Variants in DNAJC5 observed in about 807,000 individuals in gnomAD.
DNAJC5 encodes DnaJ heat shock protein family (Hsp40) member C5, also known as dnaJ homolog subfamily C member 5.
DNAJC5 carries 1 observed loss-of-function variant against 23.2 expected under a neutral mutation model. That is an observed-to-expected ratio of 0.04 (90% CI 0.02 to 0.20). The LOEUF is 0.20. Among genes scored for constraint, DNAJC5 ranks in the 10% least tolerant of loss-of-function variants. The pLI, the probability that DNAJC5 is intolerant of heterozygous loss-of-function variation, is 1.00. For synonymous variants in DNAJC5, 136 were observed against 120.0 expected (o/e 1.13, Z -0.87); for missense variants, 180 against 267.0 (o/e 0.67, Z 2.27).
At chr20:63,913,965 G>A (rs533542447) in intron 1 of DNAJC5, among the ~76,000 whole-genome samples, 1 of 152,274 alleles carries the variant, frequency 6.6e-6, no homozygotes, top group African/African-American at 2.4e-5. Context: ...CTCTCTCTGA[G>A]CACTCCATCC....
At position 63,930,960 on chromosome 20, in the gene DNAJC5, A is replaced by G; in HGVS notation, c.431A>G (p.Glu144Gly). ...TGTAAGCCCAAGGCGCCTGAAGGCG[A>G]GGAGACGGAGTTCTACGTGTCCCCC... ...GKCKPKAPEGEETEFYVSPED... is the reference protein window; with the variant it reads ...GKCKPKAPEGGETEFYVSPED... Residue 144 changes from glutamate (E) to glycine (G), a missense_variant, in exon 4 of 5, where the codon GAG becomes GGG. Glu to Gly is a moderately conservative substitution (Grantham distance 98, BLOSUM62 -2). Around this residue, in one of 3 missense-constraint regions of DNAJC5, gnomAD observed 97 missense variants for 123.4 expected, o/e 0.79. Transcript: ENST00000360864. The G allele has an allele frequency of 6.2e-7, 1 of 1,614,160 alleles. No homozygotes were observed. Among genetic ancestry groups the G allele is most frequent in the Non-Finnish European group, 8.5e-7 (1 of 1,180,046 alleles).
At chr20:63,904,029 G>A (rs751401534) in intron 1 of DNAJC5, among the ~76,000 whole-genome samples, 6 of 152,100 alleles carry the variant, frequency 3.9e-5, no homozygotes, top group Non-Finnish European at 8.8e-5. Context: ...CCTGGGAAGC[G>A]GAGGTTGCAG....
chr20:63,911,972 C>T (rs2053485413), intron 1 of DNAJC5, among the ~76,000 whole-genome samples: 2 of 152,076 alleles, frequency 1.3e-5, no homozygotes, highest in South Asian at 4.1e-4. Flanking sequence ...ACTGCCATGG[C>T]CGGCTGGAAA....
intron 1 of DNAJC5, among the ~76,000 whole-genome samples, chr20:63,907,421 G>A (rs574219782): frequency 1.7e-4 from 26 of 152,250 alleles, no homozygotes; most frequent in African/African-American, 6.3e-4. Context: ...CTTTATTCAA[G>A]CCAGCTCCCA....
rs144269362 is a variant in DNAJC5, at chr20:63,905,178, C to T, written c.-12+9855C>T. On this transcript the variant is annotated intron_variant, in intron 1 of 4. Coordinates refer to ENST00000360864, the MANE Select transcript of DNAJC5 (RefSeq NM_025219.3). ...TCGCCCAGGCTGGAGTGCCATGGCA[C>T]GATCTCGGCTCACTGCAACCTCTGC... Among the ~76,000 whole-genome samples the T allele has an allele frequency of 5.7e-3, 850 of 148,862 alleles. 4 individuals are homozygous for T. The highest frequency in any genetic ancestry group is 0.02 in the African/African-American group (811 of 40,398).
At position 63,931,906 on chromosome 20, in the gene DNAJC5, T is replaced by G; in HGVS notation, c.*338T>G. Reference sequence around the variant, plus strand: ...AGGGCTGTCGGTCAGGTTGGTCCAGTGAGGGGTGACTGCAGCCGGTCAGGT... The same window carrying G: ...AGGGCTGTCGGTCAGGTTGGTCCAGGGAGGGGTGACTGCAGCCGGTCAGGT... On this transcript the variant is annotated 3_prime_UTR_variant, in exon 5 of 5. Coordinates refer to ENST00000360864, the MANE Select transcript of DNAJC5 (RefSeq NM_025219.3). The surrounding 1 kb of genome is among the most constrained non-coding windows in gnomAD (Gnocchi z 9.6). The G allele has an allele frequency of 2.6e-6, 1 of 386,660 alleles. No homozygotes were observed. The highest frequency in any genetic ancestry group is 2.2e-5 in the South Asian group (1 of 46,160). The allele number at this position is 386,660 out of a possible 1,614,324, so 24.0% of individuals were successfully genotyped here.
chr20:63,931,238 A>G lies in DNAJC5; in HGVS notation c.493+216A>G. ...GTGACCTGCGGTAGCCGTAGATCCC[A>G]GGGACTGCGAGGCGGGGCAGGGCGG... On this transcript the variant is annotated intron_variant, in intron 4 of 4. Coordinates refer to ENST00000360864, the MANE Select transcript of DNAJC5 (RefSeq NM_025219.3). This position sits in a 1 kb window ranked among gnomAD's most constrained non-coding sequence, Gnocchi z 9.6. 2.5e-6 allele frequency: 2 copies of G among 784,906 alleles called. No individual in the cohort carries two copies. 48.6% of individuals were successfully genotyped at this position (784,906 alleles called of 1,614,324 possible). A position where few individuals can be genotyped will look rare whatever the true frequency, so the allele number is the denominator to read the frequency against.
intron 1 of DNAJC5, among the ~76,000 whole-genome samples, chr20:63,918,746 C>G (rs993274639): frequency 6.6e-6 from 1 of 152,310 alleles, no homozygotes; most frequent in South Asian, 2.1e-4. Flanking sequence ...AGGCGCCCAC[C>G]ACCATGCCTG....
chr20:63,914,908 G>T (rs891633096), intron 1 of DNAJC5, among the ~76,000 whole-genome samples: 2 of 152,212 alleles, frequency 1.3e-5, no homozygotes, highest in African/African-American at 2.4e-5. Context: ...GAACCACCAC[G>T]CCCGGCCAGA....
At position 63,900,576 on chromosome 20, in the gene DNAJC5, CAAAAAAAAAAAA is replaced by C. The variant is rs752326573; in HGVS notation, c.-12+5265_-12+5276del. Among the ~76,000 whole-genome samples, 79 of 65,272 alleles carry C rather than the reference CAAAAAAAAAAAA, an allele frequency of 1.2e-3. 1 individual carries two copies. The highest frequency in any genetic ancestry group is 7.3e-3 in the East Asian group (16 of 2,202). 42.8% of individuals were successfully genotyped at this position (65,272 alleles called of 152,430 possible). On this transcript the variant is annotated intron_variant, in intron 1 of 4. Coordinates refer to ENST00000360864, the MANE Select transcript of DNAJC5 (RefSeq NM_025219.3). The stretch of plus-strand genomic sequence containing the variant: ...TGGGCGACAGAGCAAGACACTGTCT[CAAAAAAAAAAAA>C]AAAAAAAAAAAGGAAGTTCTGTATT...
chr20:63,898,615 G>T (rs192813529), intron 1 of DNAJC5, among the ~76,000 whole-genome samples: 2 of 152,196 alleles, frequency 1.3e-5, no homozygotes, highest in Admixed American at 1.3e-4. Context: ...AGGCCGAGGC[G>T]GGCAGATCTT....
chr20:63,922,909 G>C (rs1314187814), intron 1 of DNAJC5, among the ~76,000 whole-genome samples: 1 of 152,048 alleles, frequency 6.6e-6, no homozygotes, highest in Non-Finnish European at 1.5e-5. Context: ...GGGAGGCTGA[G>C]GCGGGTGGCT....
rs764505567 is a variant in DNAJC5 at position 63,928,083 on chromosome 20, G to A, written c.-11-252G>A. 2.0e-5 allele frequency among the ~76,000 whole-genome samples: 3 copies of A among 152,146 alleles called. No homozygotes were observed. The highest frequency in any genetic ancestry group is 2.9e-5 in the Non-Finnish European group (2 of 68,032). Reference sequence around the variant, plus strand: ...TCCCGCCTCAGCCTCCCAAAATGCTGGGACTACAGGTGTGAGCCCCTGTGC... The same window carrying A: ...TCCCGCCTCAGCCTCCCAAAATGCTAGGACTACAGGTGTGAGCCCCTGTGC... On this transcript the variant is annotated intron_variant, in intron 1 of 4. Coordinates refer to ENST00000360864, the MANE Select transcript of DNAJC5 (RefSeq NM_025219.3). This position sits in a 1 kb window ranked among gnomAD's most constrained non-coding sequence, Gnocchi z 4.6.
At position 63,929,565 on chromosome 20, in the gene DNAJC5, T is replaced by G. The variant is rs781303835; in HGVS notation, c.321+40T>G. ...CCTGCCGTGCGGGCACCCGAGTCAC[T>G]CCTGCCGTGCGGGCACCCGAGTCTC... is the stretch of plus-strand genomic sequence containing the variant. On this transcript the variant is annotated intron_variant, in intron 3 of 4. Transcript: ENST00000360864. This position sits in a 1 kb window ranked among gnomAD's most constrained non-coding sequence, Gnocchi z 8.6. 2 of 1,605,512 alleles carry G rather than the reference T, an allele frequency of 1.2e-6. No individual in the cohort carries two copies. The highest frequency in any genetic ancestry group is 1.7e-6 in the Non-Finnish European group (2 of 1,176,888).
In DNAJC5 at chr20:63,931,708, A is replaced by G; in HGVS notation, c.*140A>G. On this transcript the variant is annotated 3_prime_UTR_variant, in exon 5 of 5. Coordinates refer to ENST00000360864, the MANE Select transcript of DNAJC5 (RefSeq NM_025219.3). This position sits in a 1 kb window ranked among gnomAD's most constrained non-coding sequence, Gnocchi z 9.6. The stretch of plus-strand genomic sequence containing the variant: ...TGGGGCCCCTCCTGCCTCCACGCCC[A>G]CCCAGCGTCGACCCTTGACCCACGA... 1.2e-6 allele frequency: 1 copy of G among 817,768 alleles called. No individual in the cohort carries two copies. Among genetic ancestry groups the G allele is most frequent in the Non-Finnish European group, 2.0e-6 (1 of 492,500 alleles). 50.7% of individuals were successfully genotyped at this position (817,768 alleles called of 1,614,324 possible). A position where few individuals can be genotyped will look rare whatever the true frequency, so the allele number is the denominator to read the frequency against.
chr20:63,931,247 G>A lies in DNAJC5; in HGVS notation c.494-218G>A, dbSNP rs1278213486. ...GGTAGCCGTAGATCCCAGGGACTGC[G>A]AGGCGGGGCAGGGCGGCAGGCAGTT... is the stretch of plus-strand genomic sequence containing the variant. On this transcript the variant is annotated intron_variant, in intron 4 of 4. Transcript: ENST00000360864. This position sits in a 1 kb window ranked among gnomAD's most constrained non-coding sequence, Gnocchi z 9.6. The A allele has an allele frequency of 3.2e-5, 25 of 785,960 alleles. No homozygotes were observed. The highest frequency in any genetic ancestry group is 4.5e-5 in the Non-Finnish European group (21 of 464,096). The allele number at this position is 785,960 out of a possible 1,614,324, so 48.7% of individuals were successfully genotyped here.
At chr20:63,930,726 G>A (rs1325681204) in intron 3 of DNAJC5, 125 bp from the exon 4 acceptor site, 1 of 1,457,738 alleles carries the variant, frequency 6.9e-7, no homozygotes, top group Non-Finnish European at 9.5e-7. Flanking sequence ...TCTGCTTCCT[G>A]TCTGGAAGGC....
rs1465625052 is a variant in DNAJC5, at chr20:63,935,943, C to T, written c.*4375C>T. 6.6e-6 allele frequency: 1 copy of T among 152,186 alleles called. No individual in the cohort carries two copies. Among genetic ancestry groups the T allele is most frequent in the Non-Finnish European group, 1.5e-5 (1 of 68,052 alleles). 9.4% of individuals were successfully genotyped at this position (152,186 alleles called of 1,614,324 possible). On this transcript the variant is annotated 3_prime_UTR_variant, in exon 5 of 5. Coordinates refer to ENST00000360864, the MANE Select transcript of DNAJC5 (RefSeq NM_025219.3). ...CACACATCTAAGGGCCAGGCTGGTTCCGCATGGTGATCTCCGTCTTGTATG... is the reference window on the plus strand; with the variant it reads ...CACACATCTAAGGGCCAGGCTGGTTTCGCATGGTGATCTCCGTCTTGTATG...
At chr20:63,926,624 A>G (rs2053618419) in intron 1 of DNAJC5, among the ~76,000 whole-genome samples, 1 of 152,238 alleles carries the variant, frequency 6.6e-6, no homozygotes, top group Non-Finnish European at 1.5e-5. Flanking sequence ...TGAGGAAAGC[A>G]GTGGGATAAT....
Sources: allele counts gnomAD v4.1 joint callset (sites outside exome capture counted in the v4.1 genomes callset), GRCh38; gene constraint gnomAD v4.1.1; regional missense constraint gnomAD v4.1.1; non-coding constraint Gnocchi (gnomAD v3.1); transcripts MANE v1.5; gene names NCBI Gene and HGNC (gene_info 2026-07-23, HGNC 2026-07-21).